ZNF674: variants seen among roughly 807,000 people sequenced by gnomAD.
ZNF674 encodes the protein zinc finger protein 674.
ZNF674 carries 2 observed loss-of-function variants against 7.0 expected under a neutral mutation model. The observed-to-expected ratio is 0.29, with a 90% confidence interval of 0.12 to 0.90. ZNF674 has a LOEUF of 0.90. Ranked by LOEUF, ZNF674 falls within the 40% of genes least tolerant of loss-of-function variation. The pLI is 0.57. For missense variants in ZNF674, 297 were observed against 415.5 expected, an observed-to-expected ratio of 0.71 and a Z score of 2.48; for synonymous variants, 103 against 145.2, an observed-to-expected ratio of 0.71 and a Z score of 2.09.
chrX:46,514,311 A>G (rs1941720547), intron 5 of ZNF674, among the ~76,000 whole-genome samples: 2 of 110,633 alleles, frequency 1.8e-5, no homozygotes, highest in Admixed American at 1.9e-4. Flanking sequence ...CATGTAGAAA[A>G]ACTATAAATG....
intron 5 of ZNF674, among the ~76,000 whole-genome samples, chrX:46,514,244 T>G (rs191940620): frequency 1.8e-4 from 20 of 111,545 alleles, no homozygotes; most frequent in African/African-American, 5.5e-4. Flanking sequence ...AGAGATGACC[T>G]GTTCGATGTA....
chrX:46,530,800 A>G (rs1225199945), intron 3 of ZNF674, among the ~76,000 whole-genome samples: 2 of 113,008 alleles, frequency 1.8e-5, no homozygotes, highest in African/African-American at 3.2e-5. Context: ...AGAAAACCAG[A>G]CAGGATTAGA....
At chrX:46,540,941 G>A (rs5952903) in intron 3 of ZNF674, among the ~76,000 whole-genome samples, 2,402 of 108,292 alleles carry the variant, frequency 0.022, 65 homozygotes, top group African/African-American at 0.077. Context: ...GCACGTGCAC[G>A]TAATCCCAGC....
chrX:46,533,853 TACACAC>T (rs1182034444), intron 3 of ZNF674, among the ~76,000 whole-genome samples: 3 of 73,850 alleles, frequency 4.1e-5, no homozygotes, highest in Non-Finnish European at 7.1e-5. Flanking sequence ...TATATATATA[TACACAC>T]ACACACACAT....
Position 46,543,718 on chromosome X carries a change from G to A in ZNF674, c.-30+783C>T, listed in dbSNP as rs759929967. On this transcript the variant is annotated intron_variant, in intron 2 of 5. Transcript: ENST00000683375. ...AAGAAAGTTCCAGCAAGGAGATTCTGTGCAGAGTAACCATTTCATACTGCA... is the reference window on the plus strand; with the variant it reads ...AAGAAAGTTCCAGCAAGGAGATTCTATGCAGAGTAACCATTTCATACTGCA... 1.3e-3 allele frequency among the ~76,000 whole-genome samples: 142 copies of A among 112,218 alleles called. 1 individual carries two copies. Among genetic ancestry groups the A allele is most frequent in the African/African-American group, 4.4e-3 (136 of 30,947 alleles).
intron 5 of ZNF674, among the ~76,000 whole-genome samples, chrX:46,505,768 T>TCTCA (rs377176227): frequency 3.0e-5 from 3 of 100,230 alleles, no homozygotes; most frequent in African/African-American, 1.1e-4. Context: ...CAAAACTCTG[T>TCTCA]CACACACACA....
intron 3 of ZNF674, among the ~76,000 whole-genome samples, chrX:46,533,025 C>T (rs1358032559): frequency 1.9e-5 from 2 of 103,631 alleles, no homozygotes; most frequent in Non-Finnish European, 4.0e-5. Context: ...GCTGAGAGGC[C>T]ACAAGGTTAG....
chrX:46,513,663 G>A (rs752484148), intron 5 of ZNF674, among the ~76,000 whole-genome samples: 38 of 112,040 alleles, frequency 3.4e-4, no homozygotes, highest in Non-Finnish European at 6.4e-4. Context: ...TCAAAGACTG[G>A]TAATAAAATA....
intron 3 of ZNF674, among the ~76,000 whole-genome samples, chrX:46,540,979 G>A (rs192468425): frequency 1.9e-5 from 2 of 107,868 alleles, no homozygotes; most frequent in Admixed American, 1.0e-4. Context: ...TAGGAGAATC[G>A]CTTGAACCTG....
At chrX:46,542,499 A>T (rs1442301547) in intron 2 of ZNF674, among the ~76,000 whole-genome samples, 1 of 111,922 alleles carries the variant, frequency 8.9e-6, no homozygotes, top group Non-Finnish European at 1.9e-5. Context: ...GATTGAGGCC[A>T]GGAGTTCAAG....
chrX:46,539,528 TA>T (rs2146618939), intron 3 of ZNF674, among the ~76,000 whole-genome samples: 1 of 112,871 alleles, frequency 8.9e-6, no homozygotes, highest in East Asian at 2.8e-4. Context: ...TGTTCATCAC[TA>T]GGAGAAAGGT....
At chrX:46,508,424 A>G (rs750841549) in intron 5 of ZNF674, among the ~76,000 whole-genome samples, 1 of 112,542 alleles carries the variant, frequency 8.9e-6, no homozygotes, top group South Asian at 3.6e-4. Context: ...ACATTAATGC[A>G]AAATTCATAG....
At chrX:46,533,853 T>TATATATATATATATATATATACAC (rs1556020063) in intron 3 of ZNF674, among the ~76,000 whole-genome samples, 2 of 73,829 alleles carry the variant, frequency 2.7e-5, no homozygotes, top group African/African-American at 1.2e-4. Context: ...TATATATATA[T>TATATATATATATATATATATACAC]ACACACACAC....
intron 3 of ZNF674, among the ~76,000 whole-genome samples, chrX:46,531,647 T>C (rs919889360): frequency 2.7e-5 from 3 of 110,729 alleles, no homozygotes; most frequent in Non-Finnish European, 3.8e-5. Context: ...GTTTCCTTCC[T>C]TATCTCTCAG....
chrX:46,502,316 AAAG>A (rs1941450182), intron 5 of ZNF674, among the ~76,000 whole-genome samples: 1 of 108,893 alleles, frequency 9.2e-6, no homozygotes, highest in Non-Finnish European at 1.9e-5. Flanking sequence ...AAAAAAAAAA[AAAG>A]AAAAGAAAAT....
At chrX:46,536,573 C>T (rs1322525871) in intron 3 of ZNF674, among the ~76,000 whole-genome samples, 1 of 86,200 alleles carries the variant, frequency 1.2e-5, no homozygotes, top group Admixed American at 1.4e-4. Flanking sequence ...CTGGCAACAG[C>T]AAGACTCCGT....
intron 5 of ZNF674, among the ~76,000 whole-genome samples, chrX:46,525,812 AAT>A (rs1942001061): frequency 8.9e-6 from 1 of 111,982 alleles, no homozygotes; most frequent in Non-Finnish European, 1.9e-5. Flanking sequence ...GTACAAGATC[AAT>A]ATACAAAAAT....
At position 46,499,714 on chromosome X, in the gene ZNF674, CAT is replaced by C; in HGVS notation, c.*127_*128del. 2.0e-6 allele frequency: 1 copy of C among 502,775 alleles called. No individual in the cohort carries two copies. The allele number at this position is 502,775 out of a possible 1,213,427, so 41.4% of individuals were successfully genotyped here. A position where few individuals can be genotyped will look rare whatever the true frequency, so the allele number is the denominator to read the frequency against. On this transcript the variant is annotated 3_prime_UTR_variant, in exon 6 of 6. Transcript: ENST00000683375. ...TTGTATTAAGTTAAATGAACATTAACATATGAAGAATTTCCAATATTCTGGAC... is the reference window on the plus strand; with the variant it reads ...TTGTATTAAGTTAAATGAACATTAACATGAAGAATTTCCAATATTCTGGAC...
intron 5 of ZNF674, among the ~76,000 whole-genome samples, chrX:46,511,182 T>G (rs961210153): frequency 2.7e-5 from 3 of 112,139 alleles, no homozygotes; most frequent in Non-Finnish European, 3.8e-5. Context: ...CAGGTCCTAA[T>G]TCATTGAGAG....
Sources: allele counts gnomAD v4.1 joint callset (sites outside exome capture counted in the v4.1 genomes callset), GRCh38; gene constraint gnomAD v4.1.1; transcripts MANE v1.5; gene names NCBI Gene and HGNC (gene_info 2026-07-23, HGNC 2026-07-21).